Variants in PPP2CB observed in about 807,000 individuals in gnomAD.
PPP2CB encodes the protein protein phosphatase 2 catalytic subunit beta.
In PPP2CB, 18 loss-of-function variants were observed where a neutral mutation model predicts 39.1. That is an observed-to-expected ratio of 0.46 (90% CI 0.32 to 0.68). The LOEUF (loss-of-function observed/expected upper bound fraction) is 0.68. Ranked by LOEUF, PPP2CB falls within the 30% of genes least tolerant of loss-of-function variation. PPP2CB has a pLI of 0.04. For missense variants in PPP2CB, 226 were observed against 396.9 expected (o/e 0.57, Z 3.66); for synonymous variants, 129 against 133.8 (o/e 0.96, Z 0.25).
chr8:30,803,054 T>G (rs944765171), intron 1 of PPP2CB, among the ~76,000 whole-genome samples: 1 of 152,166 alleles, frequency 6.6e-6, no homozygotes, highest in Non-Finnish European at 1.5e-5. Context: ...TTGGAAGAAG[T>G]GATGCTAGCA....
At chr8:30,792,262 C>A (rs1453725708) in intron 5 of PPP2CB, among the ~76,000 whole-genome samples, 1 of 152,106 alleles carries the variant, frequency 6.6e-6, no homozygotes, top group Non-Finnish European at 1.5e-5. Context: ...ACCATGTTGC[C>A]CAGGCTGGTC....
At position 30,791,321 on chromosome 8, in the gene PPP2CB, G is replaced by A. The variant is rs1230479213; in HGVS notation, c.739-6C>T. The A allele has an allele frequency of 1.3e-6, 2 of 1,549,448 alleles. No individual in the cohort carries two copies. Among genetic ancestry groups the A allele is most frequent in the Admixed American group, 1.8e-5 (1 of 54,880 alleles). ...TCATGACACCAATTGTATCCCTGCA[G>A]GATAAAAACAAATTCATTATTTCAT... On this transcript the variant is annotated splice_region_variant and splice_polypyrimidine_tract_variant and intron_variant, in intron 5 of 6. Coordinates refer to ENST00000221138, the MANE Select transcript of PPP2CB (RefSeq NM_001009552.2).
At chr8:30,810,936 A>G (rs933434532) in intron 1 of PPP2CB, among the ~76,000 whole-genome samples, 8 of 152,246 alleles carry the variant, frequency 5.3e-5, no homozygotes, top group Non-Finnish European at 1.2e-4. Flanking sequence ...CTTCTGCCAC[A>G]TCATGACTTC....
At chr8:30,808,922 C>CTT (rs34287210) in intron 1 of PPP2CB, among the ~76,000 whole-genome samples, 233 of 116,644 alleles carry the variant, frequency 2.0e-3, no homozygotes, top group African/African-American at 3.0e-3. Flanking sequence ...TTTACATGGC[C>CTT]TTTTTTTTTT....
At chr8:30,793,131 C>T (rs1421734226) in intron 5 of PPP2CB, 1 of 152,182 alleles carries the variant, frequency 6.6e-6, no homozygotes, top group Non-Finnish European at 1.5e-5. Flanking sequence ...TGATACAATG[C>T]ACGGAGGAGG....
intron 1 of PPP2CB, among the ~76,000 whole-genome samples, chr8:30,809,061 C>A (rs1806774476): frequency 6.7e-6 from 1 of 150,278 alleles, no homozygotes; most frequent in African/African-American, 2.5e-5. Flanking sequence ...GGGAGTGCAA[C>A]ACTACGCCCA....
At chr8:30,812,100 G>A (rs1050603418) in intron 1 of PPP2CB, among the ~76,000 whole-genome samples, 9 of 152,026 alleles carry the variant, frequency 5.9e-5, no homozygotes, top group African/African-American at 2.2e-4. Flanking sequence ...GCCGGCCGGG[G>A]GCGTGAGGCG....
intron 1 of PPP2CB, among the ~76,000 whole-genome samples, chr8:30,812,033 G>C (rs1806840022): frequency 6.6e-6 from 1 of 152,098 alleles, no homozygotes; most frequent in Admixed American, 6.5e-5. Context: ...CTTGGCTCAG[G>C]GGGCTACGTT....
rs1201255199 is a variant in PPP2CB at position 30,797,503 on chromosome 8, A to C, written c.486+78T>G. On this transcript the variant is annotated intron_variant, in intron 3 of 6. Transcript: ENST00000221138. ...AGATGCAGAAACACAGGTCATATGA[A>C]TCTAGACCCCAGCTTACCAATAGTC... 6.5e-6 allele frequency: 9 copies of C among 1,387,518 alleles called. No homozygotes were observed. In the Admixed American group the frequency reaches 1.3e-4, roughly 20 times the overall value. 86.0% of individuals were successfully genotyped at this position (1,387,518 alleles called of 1,614,324 possible).
At chr8:30,788,868 G>C (rs900279899) in intron 6 of PPP2CB, among the ~76,000 whole-genome samples, 1 of 152,140 alleles carries the variant, frequency 6.6e-6, no homozygotes, top group Admixed American at 6.5e-5. Flanking sequence ...CTTATAATCT[G>C]TGGTTGAAAA....
At chr8:30,796,207 A>C (rs1466281245) in intron 3 of PPP2CB, among the ~76,000 whole-genome samples, 1 of 152,222 alleles carries the variant, frequency 6.6e-6, no homozygotes, top group East Asian at 1.9e-4. Context: ...CTTTCAAATT[A>C]ATCACGGCAG....
At position 30,797,736 on chromosome 8, in the gene PPP2CB, T is replaced by G. The variant is rs560725996; in HGVS notation, c.331A>C (p.Ile111Leu). Residue 111 changes from isoleucine to leucine, a missense_variant, in exon 3 of 7, where the codon ATT (isoleucine) becomes CTT (leucine). Around this residue, in one of 4 missense-constraint regions of PPP2CB, gnomAD observed 110 missense variants for 244.1 expected, o/e 0.45. Transcript: ENST00000221138. Reference protein sequence around the residue: ...VALKVRYPERITILRGNHESR... With the variant: ...VALKVRYPERLTILRGNHESR... ...TCGTGATTTCCTCTCAATATTGTAATGCGTTCTGGATAACGCACCTGGAAG... is the reference window on the plus strand; with the variant it reads ...TCGTGATTTCCTCTCAATATTGTAAGGCGTTCTGGATAACGCACCTGGAAG... 1 of 1,613,788 alleles carries G rather than the reference T, an allele frequency of 6.2e-7. No individual in the cohort carries two copies.
chr8:30,793,407 G>A (rs1429730057), intron 5 of PPP2CB: 1 of 152,400 alleles, frequency 6.6e-6, no homozygotes, highest in Non-Finnish European at 1.5e-5. Context: ...ACATTAGTGA[G>A]ACAATTAGCA....
chr8:30,811,150 G>A (rs1806819203), intron 1 of PPP2CB, among the ~76,000 whole-genome samples: 1 of 152,120 alleles, frequency 6.6e-6, no homozygotes, highest in Admixed American at 6.5e-5. Context: ...AATGGATACA[G>A]AATTTACAAA....
At position 30,812,500 on chromosome 8, in the gene PPP2CB, G is replaced by A. The variant is rs1198192400; in HGVS notation, c.-79C>T. ...CCCTCCCCACCCGCCCCCGGCCCCG[G>A]CCCGGGCGCCGCTCCCCTCTCCCTC... On this transcript the variant is annotated 5_prime_UTR_variant, in exon 1 of 7. Coordinates refer to ENST00000221138, the MANE Select transcript of PPP2CB (RefSeq NM_001009552.2). The A allele has an allele frequency of 5.0e-6, 5 of 1,005,688 alleles. No individual in the cohort carries two copies. The highest frequency in any genetic ancestry group is 2.6e-6 in the Non-Finnish European group (2 of 760,574). 62.3% of individuals were successfully genotyped at this position (1,005,688 alleles called of 1,614,324 possible). A position where few individuals can be genotyped will look rare whatever the true frequency, so the allele number is the denominator to read the frequency against.
At chr8:30,808,883 T>A (rs1292790500) in intron 1 of PPP2CB, among the ~76,000 whole-genome samples, 1 of 151,794 alleles carries the variant, frequency 6.6e-6, no homozygotes, top group East Asian at 1.9e-4. Flanking sequence ...TTAGTTAACA[T>A]TCACTGCGTG....
rs1489517945 is a variant in PPP2CB, at chr8:30,799,559, A to G, written c.299T>C (p.Leu100Pro). Residue 100 changes from leucine (L) to proline (P), a missense_variant, in exon 2 of 7, where the codon CTT becomes CCT. Leu to Pro is a moderately conservative substitution (Grantham distance 98). Around this residue, in one of 4 missense-constraint regions of PPP2CB, gnomAD observed 110 missense variants for 244.1 expected, o/e 0.45. Coordinates refer to ENST00000221138, the MANE Select transcript of PPP2CB (RefSeq NM_001009552.2). ...CAATAATCATACCTTTAATGCTACA[A>G]GAAGAGTCACAGTCTCCACTGAATA... ...GYYSVETVTL[L>P]VALKVRYPER... is the part of the protein sequence containing the mutation. 2 of 1,610,858 alleles carry G rather than the reference A, an allele frequency of 1.2e-6. No individual in the cohort carries two copies. Among genetic ancestry groups the G allele is most frequent in the Non-Finnish European group, 1.7e-6 (2 of 1,177,938 alleles).
chr8:30,804,612 G>C (rs1806687447), intron 1 of PPP2CB, among the ~76,000 whole-genome samples: 1 of 152,110 alleles, frequency 6.6e-6, no homozygotes, highest in Non-Finnish European at 1.5e-5. Flanking sequence ...TCATTCCTGT[G>C]AATCACTGAA....
rs987410573 is a variant in PPP2CB at position 30,812,486 on chromosome 8, C to T, written c.-65G>A. On this transcript the variant is annotated 5_prime_UTR_variant, in exon 1 of 7. Coordinates refer to ENST00000221138, the MANE Select transcript of PPP2CB (RefSeq NM_001009552.2). ...GCCGCCGCCCTCCCCCCTCCCCACC[C>T]GCCCCCGGCCCCGGCCCGGGCGCCG... 3.2e-6 allele frequency: 4 copies of T among 1,244,018 alleles called. No homozygotes were observed. Among genetic ancestry groups the T allele is most frequent in the East Asian group, 6.6e-5 (2 of 30,524 alleles). The allele number at this position is 1,244,018 out of a possible 1,614,324, so 77.1% of individuals were successfully genotyped here. A position where few individuals can be genotyped will look rare whatever the true frequency, so the allele number is the denominator to read the frequency against.
Sources: gnomAD v4.1 joint callset for allele counts (sites outside exome capture counted in the v4.1 genomes callset) on GRCh38, gnomAD v4.1.1 for gene constraint, gnomAD v4.1.1 regional missense constraint, MANE v1.5 for transcripts, NCBI Gene and HGNC (gene_info 2026-07-23, HGNC 2026-07-21) for gene names.